The following PSMA5 variants were observed in gnomAD, a reference collection of about 807,000 sequenced individuals.
PSMA5 encodes proteasome 20S subunit alpha 5, also known as proteasome subunit alpha type-5.
A neutral mutation model predicts 34.5 loss-of-function variants in PSMA5; 3 were observed. The observed-to-expected ratio is 0.09, with a 90% CI of 0.04 to 0.22. The LOEUF is 0.22. Among genes scored for constraint, PSMA5 ranks in the 10% least tolerant of loss-of-function variants. PSMA5 has a pLI of 1.00. For synonymous variants in PSMA5, 88 were observed against 95.8 expected (o/e 0.92, Z 0.47); for missense variants, 120 against 286.1 (o/e 0.42, Z 4.19).
At chr1:109,414,196 CCT>C (rs1654108970) in intron 3 of PSMA5, among the ~76,000 whole-genome samples, 3 of 152,206 alleles carry the variant, frequency 2.0e-5, no homozygotes, top group African/African-American at 7.2e-5. Context: ...TTCTATTCCC[CCT>C]GACTAGAATG....
intron 2 of PSMA5, among the ~76,000 whole-genome samples, chr1:109,420,374 T>TA (rs201870166): frequency 7.9e-5 from 12 of 151,142 alleles, no homozygotes; most frequent in South Asian, 2.1e-4. Flanking sequence ...TAATGCCTAA[T>TA]AAAAAAAAAC....
At chr1:109,425,929 C>A in intron 1 of PSMA5, 1 of 285,368 alleles carries the variant, frequency 3.5e-6, no homozygotes, top group Non-Finnish European at 6.7e-6. Context: ...GCACGTTTAA[C>A]TTTTTGTTTG....
At chr1:109,423,497 A>C (rs1654528836) in intron 1 of PSMA5, among the ~76,000 whole-genome samples, 1 of 152,228 alleles carries the variant, frequency 6.6e-6, no homozygotes, top group Admixed American at 6.5e-5. Context: ...TTTGCTGAAC[A>C]TTTCCACTTG....
intron 2 of PSMA5, among the ~76,000 whole-genome samples, chr1:109,416,516 T>C (rs1470544292): frequency 6.6e-6 from 1 of 152,226 alleles, no homozygotes; most frequent in African/African-American, 2.4e-5. Context: ...ATGACTATGC[T>C]TTCTGCTTTG....
At chr1:109,420,473 C>T (rs1465770286) in intron 2 of PSMA5, among the ~76,000 whole-genome samples, 1 of 152,146 alleles carries the variant, frequency 6.6e-6, no homozygotes, top group Admixed American at 6.5e-5. Context: ...AAAAGCTGAA[C>T]CTAGATGATG....
intron 5 of PSMA5, 49 bp downstream of exon 5, chr1:109,412,028 C>G: frequency 6.3e-7 from 1 of 1,588,320 alleles, no homozygotes; most frequent in Admixed American, 1.7e-5. Context: ...GACAAATGTC[C>G]TAAGTCCCAT....
At chr1:109,403,871 T>C (rs1165977375) in intron 8 of PSMA5, among the ~76,000 whole-genome samples, 5 of 152,170 alleles carry the variant, frequency 3.3e-5, no homozygotes, top group Non-Finnish European at 7.4e-5. Flanking sequence ...CTCTCAAAGC[T>C]TGTAGTCTCC....
At chr1:109,414,513 G>T (rs1447087355) in intron 3 of PSMA5, among the ~76,000 whole-genome samples, 2 of 152,192 alleles carry the variant, frequency 1.3e-5, no homozygotes, top group Non-Finnish European at 2.9e-5. Flanking sequence ...CTAGCATAAG[G>T]TCTGGCACAT....
intron 6 of PSMA5, 153 bp downstream of exon 6, chr1:109,411,724 C>A (rs1653997289): frequency 2.7e-6 from 2 of 732,796 alleles, no homozygotes; most frequent in Non-Finnish European, 4.5e-6. Flanking sequence ...CTCCCAGGCT[C>A]AAGAGATCCT....
chr1:109,426,255 G>A (rs761694695), intron 1 of PSMA5, 47 bp downstream of exon 1: 9 of 1,609,940 alleles, frequency 5.6e-6, no homozygotes, highest in Non-Finnish European at 5.1e-6. Flanking sequence ...CAGGTCCCGG[G>A]CCTGCCCACC....
Position 109,400,905 on chromosome 1 carries a change from CTT to C in PSMA5, c.*1106_*1107del, listed in dbSNP as rs1190039465. On this transcript the variant is annotated 3_prime_UTR_variant, in exon 9 of 9. Coordinates refer to ENST00000271308, the MANE Select transcript of PSMA5 (RefSeq NM_002790.4). ...AGCCATGTTGTGGACAGTGCAAGTA[CTT>C]TTCAAATCTCCAGATTTCCCTATTA... is the stretch of plus-strand genomic sequence containing the variant. 1 of 152,160 alleles carries C rather than the reference CTT, an allele frequency of 6.6e-6. No individual in the cohort carries two copies. Among genetic ancestry groups the C allele is most frequent in the East Asian group, 1.9e-4 (1 of 5,196 alleles). The allele number at this position is 152,160 out of a possible 1,614,324, so 9.4% of individuals were successfully genotyped here. A position where few individuals can be genotyped will look rare whatever the true frequency, so the allele number is the denominator to read the frequency against.
chr1:109,419,391 G>C (rs1159284043), intron 2 of PSMA5, among the ~76,000 whole-genome samples: 3 of 152,024 alleles, frequency 2.0e-5, no homozygotes, highest in Non-Finnish European at 4.4e-5. Context: ...TCCTTAATAG[G>C]GCACTGTGGC....
chr1:109,421,141 G>T (rs903008263), intron 2 of PSMA5, among the ~76,000 whole-genome samples: 1 of 152,048 alleles, frequency 6.6e-6, no homozygotes, highest in Non-Finnish European at 1.5e-5. Context: ...GAGCTAAGAT[G>T]GTGTCACTGT....
intron 6 of PSMA5, among the ~76,000 whole-genome samples, chr1:109,411,505 TC>T (rs1052561712): frequency 1.3e-5 from 2 of 152,104 alleles, no homozygotes; most frequent in African/African-American, 4.8e-5. Flanking sequence ...CTTCATGGAA[TC>T]CCCAAATTTG....
At chr1:109,402,155 T>A in intron 8 of PSMA5, 65 bp from the exon 9 acceptor site, 1 of 1,206,384 alleles carries the variant, frequency 8.3e-7, no homozygotes, top group Non-Finnish European at 1.2e-6. Flanking sequence ...CCTACCATGG[T>A]CAGGAGAAGC....
chr1:109,413,355 C>T (rs759608054), intron 3 of PSMA5, among the ~76,000 whole-genome samples: 3 of 152,136 alleles, frequency 2.0e-5, no homozygotes, highest in African/African-American at 4.8e-5. Context: ...GAAGTCCAGA[C>T]GATAAAAATA....
At chr1:109,409,588 T>G (rs1653914277) in intron 8 of PSMA5, among the ~76,000 whole-genome samples, 1 of 152,232 alleles carries the variant, frequency 6.6e-6, no homozygotes, top group South Asian at 2.1e-4. Context: ...CTATGTAGTC[T>G]TCAGCAATGC....
intron 2 of PSMA5, among the ~76,000 whole-genome samples, chr1:109,420,390 AT>A (rs1654394200): frequency 6.6e-6 from 1 of 152,180 alleles, no homozygotes; most frequent in South Asian, 2.1e-4. Flanking sequence ...AAAACCATAC[AT>A]CTGTGTTATA....
At chr1:109,404,151 C>A (rs1337864289) in intron 8 of PSMA5, among the ~76,000 whole-genome samples, 1 of 152,026 alleles carries the variant, frequency 6.6e-6, no homozygotes, top group Non-Finnish European at 1.5e-5. Flanking sequence ...TGGCAAAACC[C>A]TGTCTCTACT....
Sources: gnomAD v4.1 joint callset for allele counts (sites outside exome capture counted in the v4.1 genomes callset) on GRCh38, gnomAD v4.1.1 for gene constraint, MANE v1.5 for transcripts, NCBI Gene and HGNC (gene_info 2026-07-23, HGNC 2026-07-21) for gene names.